PLAGL1: variants seen among roughly 807,000 people sequenced by gnomAD.
PLAGL1 encodes zinc finger protein PLAGL1.
Under a neutral mutation model 4.6 loss-of-function variants are expected in PLAGL1, and 1 was observed. The ratio of observed to expected loss-of-function variants is 0.22; its 90% confidence interval spans 0.08 to 1.03. The LOEUF (loss-of-function observed/expected upper bound fraction) is 1.03, where lower values mean the gene tolerates loss of function less well. Ranked by LOEUF, PLAGL1 falls within the 50% of genes least tolerant of loss-of-function variation. PLAGL1 has a pLI of 0.58. For missense variants in PLAGL1, 464 were observed against 570.4 expected, an observed-to-expected ratio of 0.81 and a Z score of 1.90; for synonymous variants, 240 against 237.8, an observed-to-expected ratio of 1.01 and a Z score of -0.08.
At chr6:144,046,492 G>A (rs999337171) in intron 1 of PLAGL1, among the ~76,000 whole-genome samples, 1 of 152,210 alleles carries the variant, frequency 6.6e-6, no homozygotes, top group Non-Finnish European at 1.5e-5. Context: ...TCCAGACCCT[G>A]TTTGCCTGGG....
At chr6:144,060,268 C>G (rs1396193760) in intron 1 of PLAGL1, among the ~76,000 whole-genome samples, 7 of 152,266 alleles carry the variant, frequency 4.6e-5, no homozygotes, top group African/African-American at 1.4e-4. Flanking sequence ...AGGCTGGTCT[C>G]AAACTCTTGG....
rs973545832 is a variant in PLAGL1, at chr6:144,004,481, G to A, written c.-584+3609C>T. On this transcript the variant is annotated intron_variant, in intron 1 of 7. Transcript: ENST00000674357. The surrounding 1 kb of genome is among the most constrained non-coding windows in gnomAD (Gnocchi z 4.2). ...TACATGCAACATGGATGAATACAAT[G>A]TGAACAAAAGAATAAACTGTATGAC... 1.8e-4 allele frequency among the ~76,000 whole-genome samples: 27 copies of A among 152,192 alleles called. No individual in the cohort carries two copies. Among genetic ancestry groups the A allele is most frequent in the African/African-American group, 5.5e-4 (23 of 41,456 alleles).
chr6:144,009,604 T>C (rs1332318246), upstream of PLAGL1, among the ~76,000 whole-genome samples: 1 of 152,164 alleles, frequency 6.6e-6, no homozygotes, highest in Non-Finnish European at 1.5e-5. Context: ...CCATGGTGGT[T>C]TGCTGCACTC....
rs186001683 is a variant in PLAGL1, at chr6:144,031,336, G to A, written c.-151+33132C>T. ...CTGCTAATTGTTTCTTTTGCTATGTGGAAGCTTTTTAGTTTAATTAAGTCC... is the reference window on the plus strand; with the variant it reads ...CTGCTAATTGTTTCTTTTGCTATGTAGAAGCTTTTTAGTTTAATTAAGTCC... On this transcript the variant is annotated intron_variant, in intron 1 of 3. Transcript: ENST00000437412. Among the ~76,000 whole-genome samples, 89 of 152,090 alleles carry A rather than the reference G, an allele frequency of 5.9e-4. 1 individual carries two copies. In the East Asian group the frequency reaches 0.014, roughly 23 times the overall value.
chr6:144,035,572 G>A (rs921531557), intron 1 of PLAGL1, among the ~76,000 whole-genome samples: 2 of 152,190 alleles, frequency 1.3e-5, no homozygotes, highest in South Asian at 2.1e-4. Flanking sequence ...AATGTTAATC[G>A]TCTTTGGCAA....
At chr6:144,021,821 A>T (rs1795999147) in intron 1 of PLAGL1, among the ~76,000 whole-genome samples, 1 of 152,214 alleles carries the variant, frequency 6.6e-6, no homozygotes, top group Non-Finnish European at 1.5e-5. Context: ...AGGTAAGGAG[A>T]TCTAACTATA....
intron 1 of PLAGL1, among the ~76,000 whole-genome samples, chr6:143,991,197 T>C (rs575192355): frequency 6.6e-6 from 1 of 152,384 alleles, no homozygotes; most frequent in Non-Finnish European, 1.5e-5. Context: ...AACTGACTTA[T>C]ATATCATAAT....
At position 144,061,765 on chromosome 6, in the gene PLAGL1, A is replaced by G. The variant is rs1289713138; in HGVS notation, c.-151+2703T>C. 6.6e-6 allele frequency among the ~76,000 whole-genome samples: 1 copy of G among 152,170 alleles called. No homozygotes were observed. Among genetic ancestry groups the G allele is most frequent in the Non-Finnish European group, 1.5e-5 (1 of 68,014 alleles). Reference sequence around the variant, plus strand: ...CTCCCCACCTCCCACCATCAATTTTATCAAGTTCCTTCCTCCTCCCAATCT... The same window carrying G: ...CTCCCCACCTCCCACCATCAATTTTGTCAAGTTCCTTCCTCCTCCCAATCT... On this transcript the variant is annotated intron_variant, in intron 1 of 3. Transcript: ENST00000437412. The surrounding 1 kb of genome is among the most constrained non-coding windows in gnomAD (Gnocchi z 4.4).
chr6:144,010,481 A>G (rs1044983242), upstream of PLAGL1, among the ~76,000 whole-genome samples: 1 of 152,240 alleles, frequency 6.6e-6, no homozygotes, highest in Non-Finnish European at 1.5e-5. The surrounding 1 kb of genome is among the most constrained non-coding windows in gnomAD (Gnocchi z 4.1). Context: ...AAAACATTCC[A>G]TGCTCATGGA....
intron 6 of PLAGL1, among the ~76,000 whole-genome samples, chr6:143,951,043 C>G (rs1310276000): frequency 2.0e-5 from 3 of 152,208 alleles, no homozygotes; most frequent in Non-Finnish European, 4.4e-5. Context: ...TACCCTGAAG[C>G]TATAAATCCA....
chr6:144,060,887 T>A (rs1018918201), intron 1 of PLAGL1, among the ~76,000 whole-genome samples: 1 of 152,248 alleles, frequency 6.6e-6, no homozygotes, highest in Non-Finnish European at 1.5e-5. Context: ...GCAGTTGAGT[T>A]GCTAAACAAT....
rs1394994010 is a variant in PLAGL1 at position 143,963,901 on chromosome 6, G to A, written c.-399+886C>T. Among the ~76,000 whole-genome samples the A allele has an allele frequency of 6.6e-6, 1 of 152,190 alleles. No individual in the cohort carries two copies. Among genetic ancestry groups the A allele is most frequent in the African/African-American group, 2.4e-5 (1 of 41,452 alleles). ...CTCCTTTCTAGCTCATTTAAAACAG[G>A]TGGCAGGCTTTGTAATCCCTTGTAT... On this transcript the variant is annotated intron_variant, in intron 5 of 7. Transcript: ENST00000674357. This position sits in a 1 kb window ranked among gnomAD's most constrained non-coding sequence, Gnocchi z 6.1.
intron 1 of PLAGL1, chr6:144,037,768 C>T (rs975311066): frequency 3.3e-5 from 5 of 151,978 alleles, no homozygotes; most frequent in Non-Finnish European, 7.4e-5. Context: ...GTCACTTTCA[C>T]AAAAAAACCC....
rs943613015 is a variant in PLAGL1, at chr6:143,989,465, A to G, written c.-583-4291T>C. 1.8e-4 allele frequency among the ~76,000 whole-genome samples: 28 copies of G among 152,210 alleles called. No individual in the cohort carries two copies. The highest frequency in any genetic ancestry group is 6.8e-4 in the African/African-American group (28 of 41,466). On this transcript the variant is annotated intron_variant, in intron 1 of 7. Coordinates refer to ENST00000674357, the MANE Select transcript of PLAGL1 (RefSeq NM_001317162.2). This position sits in a 1 kb window ranked among gnomAD's most constrained non-coding sequence, Gnocchi z 4.8. Reference sequence around the variant, plus strand: ...GGGCCCGAATAGAACAAAAAGGTGGAAGGAGGAGGAATTCACCCCCTTTTC... The same window carrying G: ...GGGCCCGAATAGAACAAAAAGGTGGGAGGAGGAGGAATTCACCCCCTTTTC...
At chr6:144,041,920 C>A (rs1797768400) in intron 1 of PLAGL1, among the ~76,000 whole-genome samples, 1 of 152,200 alleles carries the variant, frequency 6.6e-6, no homozygotes. Flanking sequence ...ATTTGCATTT[C>A]TCTGATGACC....
intron 1 of PLAGL1, among the ~76,000 whole-genome samples, chr6:144,040,139 G>C (rs1797610637): frequency 6.6e-6 from 1 of 152,104 alleles, no homozygotes; most frequent in Non-Finnish European, 1.5e-5. Flanking sequence ...GACCTACAGG[G>C]AACTCCAAAG....
At chr6:144,043,535 T>C (rs1797897497) in intron 1 of PLAGL1, among the ~76,000 whole-genome samples, 2 of 152,294 alleles carry the variant, frequency 1.3e-5, no homozygotes, top group South Asian at 4.1e-4. Context: ...CAATTTGATC[T>C]TGGTGGATAA....
Position 143,945,903 on chromosome 6 carries a change from A to G in PLAGL1, c.152+2082T>C, listed in dbSNP as rs541171246. Among the ~76,000 whole-genome samples the G allele has an allele frequency of 6.6e-6, 1 of 152,330 alleles. No individual in the cohort carries two copies. The highest frequency in any genetic ancestry group is 2.1e-4 in the South Asian group (1 of 4,826). On this transcript the variant is annotated intron_variant, in intron 7 of 7. Coordinates refer to ENST00000674357, the MANE Select transcript of PLAGL1 (RefSeq NM_001317162.2). This position sits in a 1 kb window ranked among gnomAD's most constrained non-coding sequence, Gnocchi z 4.2. ...GGAAGGCGGTTCTTGCATAAAGTAC[A>G]CTGACAGCTTCCCTTTTTGCCTCTC...
In PLAGL1 at chr6:144,064,525, G is replaced by T. The variant is rs1420465888; in HGVS notation, c.-208C>A. 1 of 152,244 alleles carries T rather than the reference G, an allele frequency of 6.6e-6. No individual in the cohort carries two copies. The highest frequency in any genetic ancestry group is 1.5e-5 in the Non-Finnish European group (1 of 68,078). The allele number at this position is 152,244 out of a possible 1,614,324, so 9.4% of individuals were successfully genotyped here. ...TGGAGTCCGGAGCCCGTGGCCCACT[G>T]GGTCAGCTCCGGCCGGCGGGTCCGG... On this transcript the variant is annotated 5_prime_UTR_variant, in exon 1 of 4. Coordinates refer to the PLAGL1 transcript ENST00000437412. This position sits in a 1 kb window ranked among gnomAD's most constrained non-coding sequence, Gnocchi z 6.8.
Sources: allele counts gnomAD v4.1 joint callset (sites outside exome capture counted in the v4.1 genomes callset), GRCh38; gene constraint gnomAD v4.1.1; non-coding constraint Gnocchi (gnomAD v3.1); transcripts MANE v1.5; gene names NCBI Gene and HGNC (gene_info 2026-07-23, HGNC 2026-07-21).